COL11A2: variants seen among roughly 807,000 people sequenced by gnomAD.
COL11A2 encodes the protein collagen alpha-2(XI) chain.
A neutral mutation model predicts 273.4 loss-of-function variants in COL11A2; 116 were observed. That is an observed-to-expected ratio of 0.42 (90% CI 0.36 to 0.49). COL11A2 has a LOEUF of 0.49. COL11A2 is among the 20% of genes least tolerant of loss of function. COL11A2 has a pLI of 0.00. For missense variants in COL11A2, 1,866 were observed against 2,309.0 expected, an observed-to-expected ratio of 0.81 and a Z score of 3.93; for synonymous variants, 782 against 864.2, an observed-to-expected ratio of 0.90 and a Z score of 1.67.
In COL11A2 at chr6:33,186,764, A is replaced by G; in HGVS notation, c.661T>C (p.Cys221Arg). ...VPGVQAAYES[C>R]EQKELECEGG... The stretch of plus-strand genomic sequence containing the variant: ...TCGCATTCCAGCTCCTTCTGTTCAC[A>G]TGATTCATAGGCTGCCTGGACCCCT... The change falls in exon 5 of 66, where the codon TGT becomes CGT. Residue 221 changes from cysteine to arginine, a missense_variant. Cys to Arg is a radical substitution (Grantham distance 180). Transcript: ENST00000341947. The G allele has an allele frequency of 6.2e-7, 1 of 1,614,036 alleles. No homozygotes were observed. Among genetic ancestry groups the G allele is most frequent in the Non-Finnish European group, 8.5e-7 (1 of 1,180,000 alleles).
At position 33,178,604 on chromosome 6, in the gene COL11A2, C is replaced by G; in HGVS notation, c.1719+75G>C. On this transcript the variant is annotated intron_variant, in intron 18 of 65. Coordinates refer to ENST00000341947, the MANE Select transcript of COL11A2 (RefSeq NM_080680.3). This position sits in a 1 kb window ranked among gnomAD's most constrained non-coding sequence, Gnocchi z 4.6. The stretch of plus-strand genomic sequence containing the variant: ...ACTGAGCTCCTGCCAAGCCTCCAGC[C>G]TCCCTTCCCTACCTATCCTCACTCC... 1 of 1,606,974 alleles carries G rather than the reference C, an allele frequency of 6.2e-7. No homozygotes were observed. Among genetic ancestry groups the G allele is most frequent in the African/African-American group, 1.3e-5 (1 of 74,918 alleles).
Position 33,167,343 on chromosome 6 carries a change from G to A in COL11A2, c.4123-26C>T, listed in dbSNP as rs766110293. ...CTGAAGATTTGAGGGGGCCACAGGG[G>A]TCAGGAGGAGCATCCCCACACTGCA... is the stretch of plus-strand genomic sequence containing the variant. On this transcript the variant is annotated intron_variant, in intron 56 of 65. Coordinates refer to ENST00000341947, the MANE Select transcript of COL11A2 (RefSeq NM_080680.3). The surrounding 1 kb of genome is among the most constrained non-coding windows in gnomAD (Gnocchi z 6.1). 1.2e-6 allele frequency: 2 copies of A among 1,613,116 alleles called. No individual in the cohort carries two copies. The highest frequency in any genetic ancestry group is 1.6e-4 in the Middle Eastern group (1 of 6,062).
rs970940220 is a variant in COL11A2, at chr6:33,177,348, C to T, written c.1971+64G>A. ...AATTTCCTGTATCCTTCCAGGGTCT[C>T]ACCCATTGTGGAAGCCCAAGGGAAG... On this transcript the variant is annotated intron_variant, in intron 23 of 65. Coordinates refer to ENST00000341947, the MANE Select transcript of COL11A2 (RefSeq NM_080680.3). This position sits in a 1 kb window ranked among gnomAD's most constrained non-coding sequence, Gnocchi z 5.9. 7.4e-5 allele frequency: 119 copies of T among 1,604,514 alleles called. No homozygotes were observed. The highest frequency in any genetic ancestry group is 1.0e-4 in the Non-Finnish European group (119 of 1,172,742).
chr6:33,170,740 CAG>C lies in COL11A2; in HGVS notation c.3474+68_3474+69del. ...CCAGTCTGCATCGGCAGGCTGCTGG[CAG>C]AGTCTGGGGCAAAACATCACCCCAT... On this transcript the variant is annotated intron_variant, in intron 46 of 65. Coordinates refer to ENST00000341947, the MANE Select transcript of COL11A2 (RefSeq NM_080680.3). The surrounding 1 kb of genome is among the most constrained non-coding windows in gnomAD (Gnocchi z 4.3). 6.3e-7 allele frequency: 1 copy of C among 1,592,694 alleles called. No individual in the cohort carries two copies. The highest frequency in any genetic ancestry group is 8.6e-7 in the Non-Finnish European group (1 of 1,161,688).
rs769169475 is a variant in COL11A2 at position 33,167,492 on chromosome 6, C to G, written c.4056G>C (p.Pro1352=). Residue 1352 remains proline (P), a synonymous_variant, in exon 56 of 66, where the codon CCG becomes CCC. Coordinates refer to ENST00000341947, the MANE Select transcript of COL11A2 (RefSeq NM_080680.3). This position sits in a 1 kb window ranked among gnomAD's most constrained non-coding sequence, Gnocchi z 6.1. The part of the protein sequence containing the change: ...GAIGAPGKTG[P]VGPAGPAGKP... Reference sequence around the variant, plus strand: ...TCCCTGCTGGGCCTGCAGGACCCACCGGGCCTGTCTTCCCCGGGGCACCTA... The same window carrying G: ...TCCCTGCTGGGCCTGCAGGACCCACGGGGCCTGTCTTCCCCGGGGCACCTA... The G allele has an allele frequency of 6.2e-6, 10 of 1,612,748 alleles. No individual in the cohort carries two copies. Among genetic ancestry groups the G allele is most frequent in the African/African-American group, 2.7e-5 (2 of 74,918 alleles).
chr6:33,164,239 C>A lies in COL11A2; in HGVS notation c.5070+28G>T. ...TCCTCCAGCCTGAGTCTGAGATCAG[C>A]CCCCAACCCAGCTCTTCCTGTTCCC... On this transcript the variant is annotated intron_variant, in intron 65 of 65. Coordinates refer to ENST00000341947, the MANE Select transcript of COL11A2 (RefSeq NM_080680.3). This position sits in a 1 kb window ranked among gnomAD's most constrained non-coding sequence, Gnocchi z 4.7. 1 of 1,611,568 alleles carries A rather than the reference C, an allele frequency of 6.2e-7. No homozygotes were observed. The highest frequency in any genetic ancestry group is 8.5e-7 in the Non-Finnish European group (1 of 1,179,290).
Position 33,164,917 on chromosome 6 carries a change from G to A in COL11A2, c.4798C>T (p.Arg1600Ter). 6.3e-7 allele frequency: 1 copy of A among 1,581,860 alleles called. No homozygotes were observed. Among genetic ancestry groups the A allele is most frequent in the Non-Finnish European group, 8.6e-7 (1 of 1,162,664 alleles). Residue 1600 changes from arginine (R) to a stop codon, truncating the protein, a stop_gained, in exon 64 of 66, where the codon CGA (arginine) becomes TGA (stop). Transcript: ENST00000341947. LOFTEE classifies it high-confidence loss of function. This position sits in a 1 kb window ranked among gnomAD's most constrained non-coding sequence, Gnocchi z 4.7. ...CCTGCTGTGAAGTTGCAGAAAACTC[G>A]GAAGGCATCCCGAGCACAGCCCTGG... The part of the protein sequence containing the change: ...PNQGCARDAF[R>*]VFCNFTAGGE...
At position 33,165,701 on chromosome 6, in the gene COL11A2, G is replaced by T; in HGVS notation, c.4598C>A (p.Ala1533Asp). Residue 1533 changes from alanine (A) to aspartate (D), a missense_variant, in exon 63 of 66, where the codon GCC becomes GAC. Coordinates refer to ENST00000341947, the MANE Select transcript of COL11A2 (RefSeq NM_080680.3). The surrounding 1 kb of genome is among the most constrained non-coding windows in gnomAD (Gnocchi z 7.7). ...QEDEAIPTGG[A>D]PGSPGGLEEI... Reference sequence around the variant, plus strand: ...CTCCAGCCCCCCAGGACTGCCGGGGGCTCCCCCGGTCGGTATGGCCTCATC... The same window carrying T: ...CTCCAGCCCCCCAGGACTGCCGGGGTCTCCCCCGGTCGGTATGGCCTCATC... 1.2e-6 allele frequency: 2 copies of T among 1,611,034 alleles called. No homozygotes were observed. The highest frequency in any genetic ancestry group is 1.7e-6 in the Non-Finnish European group (2 of 1,179,976).
chr6:33,192,966 G>T (rs1169891085), upstream of COL11A2, among the ~76,000 whole-genome samples: 1 of 152,202 alleles, frequency 6.6e-6, no homozygotes, highest in Non-Finnish European at 1.5e-5. Flanking sequence ...ACGAACTGGG[G>T]CGGGGGATGT....
At position 33,164,960 on chromosome 6, in the gene COL11A2, C is replaced by G. The variant is rs140553708; in HGVS notation, c.4755G>C (p.Glu1585Asp). 5 of 1,571,656 alleles carry G rather than the reference C, an allele frequency of 3.2e-6. No homozygotes were observed. The highest frequency in any genetic ancestry group is 3.5e-6 in the Non-Finnish European group (4 of 1,157,150). ...AGCCCTGGTTGGGGTCGACCCAGTA[C>G]TCTCCTGTTGGGTGAGGGAGAGGGG... ...KLCHPELPDG[E>D]YWVDPNQGCA... Residue 1585 changes from glutamate to aspartate, a missense_variant, in exon 64 of 66, where the codon GAG becomes GAC. Physicochemically the swap from Glu to Asp is conservative, Grantham distance 45. Transcript: ENST00000341947. This position sits in a 1 kb window ranked among gnomAD's most constrained non-coding sequence, Gnocchi z 4.7.
Position 33,190,750 on chromosome 6 carries a change from G to A in COL11A2, c.83-1281C>T, listed in dbSNP as rs534209417. 3.9e-5 allele frequency among the ~76,000 whole-genome samples: 6 copies of A among 152,138 alleles called. No homozygotes were observed. The East Asian group carries it at 1.2e-3, about 29-fold the overall frequency. On this transcript the variant is annotated intron_variant, in intron 1 of 65. Transcript: ENST00000341947. The surrounding 1 kb of genome is among the most constrained non-coding windows in gnomAD (Gnocchi z 4.5). ...CCGCAAACACCAACACACAAGGGCC[G>A]CTTTGAGAGACGAAGGGTGAGTGAG... is the stretch of plus-strand genomic sequence containing the variant.
In COL11A2 at chr6:33,174,167, G is replaced by A. The variant is rs752629970; in HGVS notation, c.2482C>T (p.Arg828Trp). Reference protein sequence around the residue: ...FPGASGEKGARGLSGKSGPRG... With the variant: ...FPGASGEKGAWGLSGKSGPRG... ...CGCCCTCCCACCCCCCAGCTTACCC[G>A]GGCTCCCTTCTCTCCACTGGCACCA... Residue 828 changes from arginine to tryptophan, a missense_variant and splice_region_variant, in exon 32 of 66, where the codon CGG becomes TGG. Arg to Trp is a moderately radical substitution (Grantham distance 101, BLOSUM62 -3). Transcript: ENST00000341947. 6.9e-6 allele frequency: 11 copies of A among 1,584,264 alleles called. No homozygotes were observed. The East Asian group carries it at 1.4e-4, about 20-fold the overall frequency.
Position 33,174,598 on chromosome 6 carries a change from G to C in COL11A2, c.2377-18C>G. On this transcript the variant is annotated intron_variant, in intron 30 of 65. Coordinates refer to ENST00000341947, the MANE Select transcript of COL11A2 (RefSeq NM_080680.3). ...AGCTTGCCCTGTGGAGGGACAGGAAGCAGTTAGGAGTGAGAGGAGGCCCAG... is the reference window on the plus strand; with the variant it reads ...AGCTTGCCCTGTGGAGGGACAGGAACCAGTTAGGAGTGAGAGGAGGCCCAG... 6.2e-7 allele frequency: 1 copy of C among 1,611,252 alleles called. No individual in the cohort carries two copies. The highest frequency in any genetic ancestry group is 8.5e-7 in the Non-Finnish European group (1 of 1,179,796).
At chr6:33,187,883 G>A (rs1772620018) in intron 4 of COL11A2, among the ~76,000 whole-genome samples, 1 of 152,036 alleles carries the variant, frequency 6.6e-6, no homozygotes, top group Non-Finnish European at 1.5e-5. Flanking sequence ...GGATGGAGGA[G>A]TTGAAGAGGA....
chr6:33,187,009 A>G (rs1772502411), intron 4 of COL11A2, among the ~76,000 whole-genome samples, 191 bp from the exon 5 acceptor site: 1 of 152,172 alleles, frequency 6.6e-6, no homozygotes, highest in Non-Finnish European at 1.5e-5. Context: ...CAACCAGGAA[A>G]GTTGGCAGAA....
Position 33,164,967 on chromosome 6 carries a change from G to A in COL11A2, c.4751-3C>T, listed in dbSNP as rs1473815261. On this transcript the variant is annotated splice_polypyrimidine_tract_variant and splice_region_variant and intron_variant, in intron 63 of 65. Coordinates refer to ENST00000341947, the MANE Select transcript of COL11A2 (RefSeq NM_080680.3). The surrounding 1 kb of genome is among the most constrained non-coding windows in gnomAD (Gnocchi z 4.7). ...GTTGGGGTCGACCCAGTACTCTCCT[G>A]TTGGGTGAGGGAGAGGGGAGGTCAG... is the stretch of plus-strand genomic sequence containing the variant. The A allele has an allele frequency of 6.4e-7, 1 of 1,567,130 alleles. No individual in the cohort carries two copies. The highest frequency in any genetic ancestry group is 8.7e-7 in the Non-Finnish European group (1 of 1,154,528).
chr6:33,165,479 G>C lies in COL11A2; in HGVS notation c.4750+70C>G. 1 of 1,597,138 alleles carries C rather than the reference G, an allele frequency of 6.3e-7. No individual in the cohort carries two copies. The highest frequency in any genetic ancestry group is 8.5e-7 in the Non-Finnish European group (1 of 1,176,328). ...CAACACCTTCACCAAGACTCCCCCA[G>C]CATCCATTCTGCTTGTTCAGTACCC... On this transcript the variant is annotated intron_variant, in intron 63 of 65. Coordinates refer to ENST00000341947, the MANE Select transcript of COL11A2 (RefSeq NM_080680.3). This position sits in a 1 kb window ranked among gnomAD's most constrained non-coding sequence, Gnocchi z 7.7.
Position 33,176,818 on chromosome 6 carries a change from AC to A in COL11A2, c.2071-54del. On this transcript the variant is annotated intron_variant, in intron 25 of 65. Transcript: ENST00000341947. This position sits in a 1 kb window ranked among gnomAD's most constrained non-coding sequence, Gnocchi z 4.9. ...CAGTGGCCCCTGTCACCCTCTCTGCACCCCTCCCTACACTTCTTCCAACCCA... is the reference window on the plus strand; with the variant it reads ...CAGTGGCCCCTGTCACCCTCTCTGCACCCTCCCTACACTTCTTCCAACCCA... The A allele has an allele frequency of 6.3e-7, 1 of 1,585,812 alleles. No individual in the cohort carries two copies. Among genetic ancestry groups the A allele is most frequent in the South Asian group, 1.1e-5 (1 of 88,266 alleles).
intron 54 of COL11A2, among the ~76,000 whole-genome samples, chr6:33,168,081 C>G (rs915504702): frequency 6.6e-6 from 1 of 152,116 alleles, no homozygotes; most frequent in Non-Finnish European, 1.5e-5. Context: ...CCACACCCTA[C>G]CTGGTGGCCC....
Sources: gnomAD v4.1 joint callset for allele counts (sites outside exome capture counted in the v4.1 genomes callset) on GRCh38, gnomAD v4.1.1 for gene constraint, Gnocchi (gnomAD v3.1) non-coding constraint, MANE v1.5 for transcripts, NCBI Gene and HGNC (gene_info 2026-07-23, HGNC 2026-07-21) for gene names.